Variants in PPP6R3 observed in about 807,000 individuals in gnomAD.
PPP6R3 encodes the protein protein phosphatase 6 regulatory subunit 3.
Under a neutral mutation model 110.7 loss-of-function variants are expected in PPP6R3, and 38 were observed. That is an observed-to-expected ratio of 0.34 (90% CI 0.26 to 0.45). The LOEUF is 0.45. Among genes scored for constraint, PPP6R3 ranks in the 20% least tolerant of loss-of-function variants. PPP6R3 has a pLI of 1.00. For synonymous variants in PPP6R3, 369 were observed against 373.5 expected (o/e 0.99, Z 0.14); for missense variants, 870 against 1,062.4 (o/e 0.82, Z 2.52).
chr11:68,607,704 C>T (rs1057119689), intron 22 of PPP6R3, among the ~76,000 whole-genome samples: 1 of 152,054 alleles, frequency 6.6e-6, no homozygotes, highest in African/African-American at 2.4e-5. Context: ...TCTATCTCAT[C>T]TGTCTGTCAT....
At chr11:68,471,926 T>C (rs1219068767) in intron 1 of PPP6R3, among the ~76,000 whole-genome samples, 1 of 151,228 alleles carries the variant, frequency 6.6e-6, no homozygotes, top group Admixed American at 6.6e-5. Flanking sequence ...TTTTTTTTTC[T>C]TGGTGAAATG....
At chr11:68,598,066 G>C (rs1371522625) in intron 19 of PPP6R3, among the ~76,000 whole-genome samples, 1 of 151,792 alleles carries the variant, frequency 6.6e-6, no homozygotes, top group African/African-American at 2.4e-5. Context: ...CTAAAACTCT[G>C]TACCCATTAA....
chr11:68,580,350 T>C (rs890474001), intron 14 of PPP6R3, among the ~76,000 whole-genome samples: 1 of 152,200 alleles, frequency 6.6e-6, no homozygotes, highest in Non-Finnish European at 1.5e-5. Context: ...TGTATATTTT[T>C]AAAAGATGGC....
chr11:68,535,250 G>A lies in PPP6R3; in HGVS notation c.-6-2409G>A, dbSNP rs183280987. ...CCCACCCCTCGTCTGGAGCAGAGAAGTCCTGTTAGCCTAGCAGCATAGTGG... is the reference window on the plus strand; with the variant it reads ...CCCACCCCTCGTCTGGAGCAGAGAAATCCTGTTAGCCTAGCAGCATAGTGG... On this transcript the variant is annotated intron_variant, in intron 2 of 23. Coordinates refer to ENST00000393800, the MANE Select transcript of PPP6R3 (RefSeq NM_001164161.2). Among the ~76,000 whole-genome samples, 23 of 152,314 alleles carry A rather than the reference G, an allele frequency of 1.5e-4. No homozygotes were observed. In the East Asian group the frequency reaches 2.1e-3, roughly 14 times the overall value.
chr11:68,516,288 A>T (rs1163273321), intron 1 of PPP6R3, among the ~76,000 whole-genome samples: 2 of 152,224 alleles, frequency 1.3e-5, no homozygotes. Flanking sequence ...CACAAGTGGA[A>T]GTTTCCACAC....
At chr11:68,492,601 C>T (rs2098990802) in intron 1 of PPP6R3, among the ~76,000 whole-genome samples, 1 of 152,228 alleles carries the variant, frequency 6.6e-6, no homozygotes, top group South Asian at 2.1e-4. Context: ...CTGTTCAAGT[C>T]TCTGCTCTCA....
At chr11:68,531,325 T>TTATG (rs1188683173) in intron 2 of PPP6R3, among the ~76,000 whole-genome samples, 2 of 149,548 alleles carry the variant, frequency 1.3e-5, no homozygotes, top group South Asian at 4.2e-4. Context: ...ATTTATTTAT[T>TTATG]TATTTATTTA....
Position 68,558,670 on chromosome 11 carries a change from G to A in PPP6R3, c.836G>A (p.Arg279Gln), listed in dbSNP as rs775195214. The change falls in exon 8 of 24, where the codon CGA becomes CAA. Residue 279 changes from arginine (R) to glutamine (Q), a missense_variant. Transcript: ENST00000393800. ...ATATTGCTGACTTTACTTGAGACAC[G>A]ACGACCAACGTAAGCTTTTCTTATA... ...IQILLTLLETRRPTFEGHIEI... is the reference protein window; with the variant it reads ...IQILLTLLETQRPTFEGHIEI... The A allele has an allele frequency of 7.5e-6, 12 of 1,604,672 alleles. No homozygotes were observed. The highest frequency in any genetic ancestry group is 2.2e-5 in the East Asian group (1 of 44,762).
At chr11:68,598,950 T>G (rs2099622187) in intron 19 of PPP6R3, among the ~76,000 whole-genome samples, 1 of 152,188 alleles carries the variant, frequency 6.6e-6, no homozygotes, top group Non-Finnish European at 1.5e-5. Context: ...GAGCGCACCC[T>G]AATTAAATGC....
chr11:68,581,662 C>A (rs1041247425), intron 14 of PPP6R3, among the ~76,000 whole-genome samples: 2 of 152,174 alleles, frequency 1.3e-5, no homozygotes, highest in Non-Finnish European at 2.9e-5. Flanking sequence ...GCTGCCATGA[C>A]CAAGCAGTAT....
intron 22 of PPP6R3, 40 bp from the exon 23 acceptor site, chr11:68,609,864 C>T (rs1357847454): frequency 1.9e-6 from 3 of 1,612,426 alleles, no homozygotes; most frequent in Admixed American, 1.7e-5. Flanking sequence ...GGTGCTGGTC[C>T]CTAGGGTGTT....
chr11:68,596,588 C>A (rs528758224), intron 19 of PPP6R3, among the ~76,000 whole-genome samples: 1 of 152,150 alleles, frequency 6.6e-6, no homozygotes, highest in Non-Finnish European at 1.5e-5. Context: ...TGTGTGGCTT[C>A]GTGAGTGGAA....
intron 4 of PPP6R3, among the ~76,000 whole-genome samples, chr11:68,547,052 C>A (rs989357878): frequency 6.6e-6 from 1 of 152,132 alleles, no homozygotes; most frequent in Non-Finnish European, 1.5e-5. Flanking sequence ...TGTATTTATA[C>A]CTAATTGTAT....
intron 8 of PPP6R3, among the ~76,000 whole-genome samples, chr11:68,562,614 A>C (rs1367535666): frequency 6.6e-6 from 1 of 152,194 alleles, no homozygotes; most frequent in Admixed American, 6.5e-5. Flanking sequence ...ACCCATCCCC[A>C]TGATCAGGCG....
chr11:68,582,859 C>G (rs1171263454), intron 14 of PPP6R3, among the ~76,000 whole-genome samples, 184 bp from the exon 15 acceptor site: 3 of 152,186 alleles, frequency 2.0e-5, no homozygotes, highest in African/African-American at 7.2e-5. Flanking sequence ...AGCAGCCTGG[C>G]CCGAGGGAAG....
rs372938734 is a variant in PPP6R3, at chr11:68,609,985, C to T, written c.2532C>T (p.Cys844=). The change falls in exon 23 of 24, where the codon TGC becomes TGT. Residue 844 remains cysteine, a synonymous_variant. Transcript: ENST00000393800. ...EECPETAEAK[C]AAPRPPSSSP... is the part of the protein sequence containing the mutation. The stretch of plus-strand genomic sequence containing the variant: ...GTCCCGAGACTGCAGAGGCGAAGTG[C>T]GCGGCGCCCAGGCCTCCCAGCAGCA... 1.9e-5 allele frequency: 31 copies of T among 1,614,118 alleles called. No individual in the cohort carries two copies. Among genetic ancestry groups the T allele is most frequent in the Non-Finnish European group, 2.4e-5 (28 of 1,180,030 alleles).
chr11:68,520,762 A>G (rs2099160177), intron 2 of PPP6R3, among the ~76,000 whole-genome samples: 1 of 151,788 alleles, frequency 6.6e-6, no homozygotes, highest in Non-Finnish European at 1.5e-5. Context: ...TGTCTCATAG[A>G]GTTTTTTTGT....
At chr11:68,481,723 C>G (rs983680338) in intron 1 of PPP6R3, among the ~76,000 whole-genome samples, 3 of 151,974 alleles carry the variant, frequency 2.0e-5, no homozygotes, top group African/African-American at 7.3e-5. Context: ...AGTAAAGTGC[C>G]TCATGGTTAG....
At chr11:68,522,940 C>G (rs1239015037) in intron 2 of PPP6R3, among the ~76,000 whole-genome samples, 1 of 152,322 alleles carries the variant, frequency 6.6e-6, no homozygotes, top group East Asian at 1.9e-4. Context: ...TCTTTCTTAT[C>G]TCTGAATTAC....
Sources: gnomAD v4.1 joint callset for allele counts (sites outside exome capture counted in the v4.1 genomes callset) on GRCh38, gnomAD v4.1.1 for gene constraint, MANE v1.5 for transcripts, NCBI Gene and HGNC (gene_info 2026-07-23, HGNC 2026-07-21) for gene names.